PKIB: variants seen among roughly 807,000 people sequenced by gnomAD.
PKIB encodes PKI-beta.
PKIB carries 2 observed loss-of-function variants against 4.5 expected under a neutral mutation model. The observed-to-expected ratio is 0.44, with a 90% confidence interval of 0.18 to 1.39. PKIB has a LOEUF of 1.39. PKIB is among the 40% of genes most tolerant of loss of function. The pLI is 0.27. For synonymous variants in PKIB, 38 were observed against 36.0 expected, an observed-to-expected ratio of 1.06 and a Z score of -0.20; for missense variants, 94 against 92.6, an observed-to-expected ratio of 1.02 and a Z score of -0.06.
chr6:122,618,352 C>G (rs2114780794), intron 1 of PKIB, among the ~76,000 whole-genome samples: 1 of 152,144 alleles, frequency 6.6e-6, no homozygotes, highest in African/African-American at 2.4e-5. Flanking sequence ...AGTCTCATCT[C>G]TTTGTCAACC....
At chr6:122,572,165 A>T (rs1283630558) in intron 2 of PKIB, among the ~76,000 whole-genome samples, 1 of 152,180 alleles carries the variant, frequency 6.6e-6, no homozygotes, top group Non-Finnish European at 1.5e-5. Flanking sequence ...TAGACAAACC[A>T]GACTTTGAAA....
chr6:122,587,295 C>A (rs531196096), intron 3 of PKIB, among the ~76,000 whole-genome samples: 2 of 152,016 alleles, frequency 1.3e-5, no homozygotes, highest in African/African-American at 2.4e-5. Flanking sequence ...TTTATCCTTG[C>A]GATAGTTTGC....
rs201399254 is a variant in PKIB, at chr6:122,685,756, A to G, written c.-9+10612A>G. 7.2e-5 allele frequency among the ~76,000 whole-genome samples: 11 copies of G among 151,862 alleles called. No homozygotes were observed. In the East Asian group the frequency reaches 1.9e-3, roughly 27 times the overall value. ...AAATACTAGGTCTTATTCTTTCTAT[A>G]TTTTTTTGTACCCATTAACCATCCT... On this transcript the variant is annotated intron_variant, in intron 3 of 4. Coordinates refer to ENST00000368452, the MANE Select transcript of PKIB (RefSeq NM_181795.3).
chr6:122,474,196 G>A (rs1029378583), intron 1 of PKIB, among the ~76,000 whole-genome samples: 2 of 152,146 alleles, frequency 1.3e-5, no homozygotes, highest in African/African-American at 4.8e-5. Context: ...ACTTGATTAA[G>A]GGCTAGTATG....
intron 3 of PKIB, among the ~76,000 whole-genome samples, chr6:122,690,645 G>T (rs528766481): frequency 6.6e-6 from 1 of 151,948 alleles, no homozygotes; most frequent in African/African-American, 2.4e-5. Flanking sequence ...TATTATTTTT[G>T]ATTGGTTCAC....
chr6:122,601,381 G>A (rs1273057751), intron 3 of PKIB, among the ~76,000 whole-genome samples: 2 of 152,038 alleles, frequency 1.3e-5, no homozygotes, highest in Non-Finnish European at 2.9e-5. Context: ...GAGAAAAAGA[G>A]TTTGTACATG....
chr6:122,526,133 C>T (rs1777087437), intron 2 of PKIB, among the ~76,000 whole-genome samples: 1 of 152,208 alleles, frequency 6.6e-6, no homozygotes, highest in Non-Finnish European at 1.5e-5. Flanking sequence ...TTTAGCAATT[C>T]TGCCACCTCT....
intron 2 of PKIB, among the ~76,000 whole-genome samples, chr6:122,665,502 T>C (rs2114927264): frequency 6.6e-6 from 1 of 152,296 alleles, no homozygotes; most frequent in Admixed American, 6.5e-5. Context: ...ATTTCTCTGC[T>C]GTGTGTGCTT....
At chr6:122,495,193 G>T (rs771408496) in intron 2 of PKIB, among the ~76,000 whole-genome samples, 1 of 152,086 alleles carries the variant, frequency 6.6e-6, no homozygotes, top group Non-Finnish European at 1.5e-5. Flanking sequence ...AATAGACAAG[G>T]TTTAGCACCT....
At chr6:122,545,019 G>T (rs1772448050) in intron 2 of PKIB, among the ~76,000 whole-genome samples, 1 of 152,060 alleles carries the variant, frequency 6.6e-6, no homozygotes, top group Non-Finnish European at 1.5e-5. Context: ...AGAGAAAACA[G>T]AATACTTATA....
At chr6:122,694,735 G>A (rs1778496574) in intron 3 of PKIB, among the ~76,000 whole-genome samples, 1 of 152,174 alleles carries the variant, frequency 6.6e-6, no homozygotes, top group South Asian at 2.1e-4. Context: ...TTCGAAGGAG[G>A]TCACTGTTAG....
intron 3 of PKIB, among the ~76,000 whole-genome samples, chr6:122,587,962 A>G (rs1773900929): frequency 6.6e-6 from 1 of 152,078 alleles, no homozygotes; most frequent in African/African-American, 2.4e-5. Flanking sequence ...ATTTTCTCCC[A>G]TTCTGTAGGT....
intron 2 of PKIB, among the ~76,000 whole-genome samples, chr6:122,670,447 T>C (rs1242952723): frequency 6.6e-6 from 1 of 152,140 alleles, no homozygotes; most frequent in Non-Finnish European, 1.5e-5. Flanking sequence ...TGCTATTTGC[T>C]TACTACCAAT....
intron 1 of PKIB, among the ~76,000 whole-genome samples, chr6:122,629,888 A>G (rs1302370559): frequency 6.6e-6 from 1 of 152,234 alleles, no homozygotes; most frequent in Non-Finnish European, 1.5e-5. Context: ...GACTACACGT[A>G]ATGCGGTATC....
chr6:122,688,208 A>T (rs993555821), intron 3 of PKIB, among the ~76,000 whole-genome samples: 1 of 152,108 alleles, frequency 6.6e-6, no homozygotes, highest in Admixed American at 6.6e-5. Flanking sequence ...AATTGAAATG[A>T]TCATATGTTT....
At chr6:122,574,892 A>G (rs1447865547) in intron 2 of PKIB, among the ~76,000 whole-genome samples, 1 of 152,224 alleles carries the variant, frequency 6.6e-6, no homozygotes, top group Non-Finnish European at 1.5e-5. Context: ...TGAAAAATAA[A>G]TAAGTGTGAC....
At chr6:122,675,000 A>G (rs894781654) in intron 2 of PKIB, 78 bp from the exon 3 acceptor site, 5 of 152,442 alleles carry the variant, frequency 3.3e-5, no homozygotes, top group African/African-American at 4.8e-5. Context: ...TATTTTAAAA[A>G]GCCAAAAGTA....
chr6:122,555,018 T>C (rs1772796080), intron 2 of PKIB, among the ~76,000 whole-genome samples: 1 of 152,202 alleles, frequency 6.6e-6, no homozygotes, highest in African/African-American at 2.4e-5. Context: ...AATTTATTTC[T>C]AGATCACATG....
upstream of PKIB, among the ~76,000 whole-genome samples, chr6:122,607,574 C>T (rs1000675324): frequency 6.6e-6 from 1 of 152,116 alleles, no homozygotes; most frequent in African/African-American, 2.4e-5. Context: ...ACCCACGAAG[C>T]CAGCCCTACC....
Sources: allele counts gnomAD v4.1 joint callset (sites outside exome capture counted in the v4.1 genomes callset), GRCh38; gene constraint gnomAD v4.1.1; transcripts MANE v1.5; gene names NCBI Gene and HGNC (gene_info 2026-07-23, HGNC 2026-07-21).